SPRYD7: variants seen among roughly 807,000 people sequenced by gnomAD.
SPRYD7 encodes the protein SPRY domain containing 7.
SPRYD7 carries 14 observed loss-of-function variants against 23.8 expected under a neutral mutation model. That is an observed-to-expected ratio of 0.59 (90% CI 0.39 to 0.92). The LOEUF (loss-of-function observed/expected upper bound fraction) is 0.92, where lower values mean the gene tolerates loss of function less well. Among genes scored for constraint, SPRYD7 ranks in the 40% least tolerant of loss-of-function variants. SPRYD7 has a pLI of 0.00. For synonymous variants in SPRYD7, 75 were observed against 84.9 expected (o/e 0.88, Z 0.64); for missense variants, 194 against 241.7 (o/e 0.80, Z 1.31).
rs1190566635 is a variant in SPRYD7 at position 49,936,182 on chromosome 13, G to A, written c.54C>T (p.Gly18=). 2 of 1,609,928 alleles carry A rather than the reference G, an allele frequency of 1.2e-6. No homozygotes were observed. The highest frequency in any genetic ancestry group is 1.7e-5 in the Admixed American group (1 of 59,774). ...CLRCCRDGGT[G]HIPLKEMPAV... is the part of the protein sequence containing the mutation. ...CCGGCATCTCCTTCAGAGGGATGTG[G>A]CCAGTCCCCCCGTCTCTGCAGCACC... Residue 18 remains glycine, a synonymous_variant, in exon 1 of 5, where the codon GGC becomes GGT. Coordinates refer to ENST00000361840, the MANE Select transcript of SPRYD7 (RefSeq NM_020456.4).
At chr13:49,931,250 G>A (rs895289981) in intron 1 of SPRYD7, 116 bp from the exon 2 acceptor site, 1 of 532,938 alleles carries the variant, frequency 1.9e-6, no homozygotes, top group African/African-American at 2.0e-5. Context: ...CACGGTCTTG[G>A]CTCACTGCAA....
chr13:49,918,154 C>T (rs1443345586), intron 4 of SPRYD7, among the ~76,000 whole-genome samples: 1 of 152,128 alleles, frequency 6.6e-6, no homozygotes, highest in Non-Finnish European at 1.5e-5. Flanking sequence ...ACTTGACCTC[C>T]CCGGCTCAAG....
intron 2 of SPRYD7, among the ~76,000 whole-genome samples, chr13:49,928,485 T>C (rs1955909423): frequency 6.6e-6 from 1 of 152,208 alleles, no homozygotes; most frequent in Non-Finnish European, 1.5e-5. Flanking sequence ...CTATACTATG[T>C]TCTCCACAGA....
chr13:49,924,514 C>T (rs1955857080), intron 3 of SPRYD7, among the ~76,000 whole-genome samples: 1 of 151,290 alleles, frequency 6.6e-6, no homozygotes, highest in South Asian at 2.1e-4. Context: ...ACTATGTTTC[C>T]CAGGCTGGTC....
chr13:49,936,044 T>G (rs2138247987), intron 1 of SPRYD7, 86 bp downstream of exon 1: 229 of 657,624 alleles, frequency 3.5e-4, no homozygotes, highest in Middle Eastern at 1.6e-3. Flanking sequence ...CGGGGCAGCG[T>G]GGGGACCCTC....
chr13:49,921,384 G>A, intron 4 of SPRYD7, 94 bp downstream of exon 4: 1 of 790,734 alleles, frequency 1.3e-6, no homozygotes, highest in Non-Finnish European at 2.2e-6. Context: ...ACCAAGTCTT[G>A]GGTATGTCTT....
chr13:49,916,224 G>A (rs923198571), intron 4 of SPRYD7, among the ~76,000 whole-genome samples: 39 of 152,222 alleles, frequency 2.6e-4, no homozygotes, highest in African/African-American at 8.4e-4. Context: ...GCTGTGGTGC[G>A]GGCTGCATCT....
chr13:49,926,453 T>C (rs1053136891), intron 3 of SPRYD7, among the ~76,000 whole-genome samples: 2 of 152,242 alleles, frequency 1.3e-5, no homozygotes, highest in Non-Finnish European at 2.9e-5. Context: ...TTCCATATTA[T>C]GGGCATCTGG....
Position 49,935,578 on chromosome 13 carries a change from G to A in SPRYD7, c.106+552C>T, listed in dbSNP as rs1400600748. On this transcript the variant is annotated intron_variant, in intron 1 of 4. Coordinates refer to ENST00000361840, the MANE Select transcript of SPRYD7 (RefSeq NM_020456.4). ...TACCTCTCACAATGACTAAGGAGTC[G>A]GGCAATGGGAGGTTTTAGTTGAAAT... 2.0e-5 allele frequency: 3 copies of A among 152,196 alleles called. No individual in the cohort carries two copies. In the East Asian group the frequency reaches 5.8e-4, roughly 29 times the overall value. The allele number at this position is 152,196 out of a possible 1,614,324, so 9.4% of individuals were successfully genotyped here.
chr13:49,928,220 ATCT>A (rs1428263903), intron 2 of SPRYD7, 135 bp from the exon 3 acceptor site: 4 of 758,480 alleles, frequency 5.3e-6, no homozygotes, highest in South Asian at 2.6e-5. Flanking sequence ...TTTTTAAAAA[ATCT>A]TCTTTTAGAA....
chr13:49,915,141 C>A lies in SPRYD7; in HGVS notation c.513G>T (p.Leu171Phe). ...GATAAAACTCACTGAACTGGCAATC[C>A]AAAATTGCACTGTCATCAACTAAAG... ...PVVYVDDSAILDCQFSEFYHT... is the reference protein window; with the variant it reads ...PVVYVDDSAIFDCQFSEFYHT... Residue 171 changes from leucine (L) to phenylalanine (F), a missense_variant, in exon 5 of 5, where the codon TTG (leucine) becomes TTT (phenylalanine). Physicochemically the swap from Leu to Phe is conservative, Grantham distance 22 (BLOSUM62 0). Coordinates refer to ENST00000361840, the MANE Select transcript of SPRYD7 (RefSeq NM_020456.4). The A allele has an allele frequency of 1.3e-6, 2 of 1,561,584 alleles. No individual in the cohort carries two copies. The highest frequency in any genetic ancestry group is 1.7e-6 in the Non-Finnish European group (2 of 1,149,740).
At chr13:49,915,477 A>G (rs1955742113) in intron 4 of SPRYD7, among the ~76,000 whole-genome samples, 1 of 152,168 alleles carries the variant, frequency 6.6e-6, no homozygotes, top group Non-Finnish European at 1.5e-5. Flanking sequence ...TTATATAATT[A>G]AGACATATTA....
chr13:49,928,120 T>G, intron 2 of SPRYD7, 35 bp from the exon 3 acceptor site: 1 of 1,583,180 alleles, frequency 6.3e-7, no homozygotes, highest in African/African-American at 1.3e-5. Context: ...CCTCAAAATC[T>G]GAAGACTACA....
At chr13:49,930,282 A>G (rs978204168) in intron 2 of SPRYD7, among the ~76,000 whole-genome samples, 3 of 152,096 alleles carry the variant, frequency 2.0e-5, no homozygotes, top group Admixed American at 2.0e-4. Flanking sequence ...GAATCAGGGT[A>G]TCTTAATAAC....
intron 3 of SPRYD7, among the ~76,000 whole-genome samples, chr13:49,925,261 A>G (rs1955869014): frequency 1.3e-5 from 2 of 151,718 alleles, no homozygotes; most frequent in Non-Finnish European, 1.5e-5. Flanking sequence ...GCGTGGTGGC[A>G]CGCACTTGTA....
intron 2 of SPRYD7, among the ~76,000 whole-genome samples, chr13:49,929,527 G>A (rs540520367): frequency 6.6e-6 from 1 of 152,098 alleles, no homozygotes; most frequent in South Asian, 2.1e-4. Flanking sequence ...ACAGAGTCTT[G>A]TACTGTTGCC....
intron 3 of SPRYD7, among the ~76,000 whole-genome samples, chr13:49,923,285 C>T (rs1439895953): frequency 6.6e-6 from 1 of 151,962 alleles, no homozygotes; most frequent in Non-Finnish European, 1.5e-5. Context: ...GTTCTGTCAC[C>T]CAGGCTGTAG....
At chr13:49,917,324 C>G (rs1185333383) in intron 4 of SPRYD7, among the ~76,000 whole-genome samples, 2 of 152,154 alleles carry the variant, frequency 1.3e-5, no homozygotes, top group Non-Finnish European at 2.9e-5. Flanking sequence ...AGGATGGTCT[C>G]AATCTCCTGA....
chr13:49,931,018 C>G lies in SPRYD7; in HGVS notation c.223G>C (p.Gly75Arg). 6.3e-7 allele frequency: 1 copy of G among 1,599,204 alleles called. No individual in the cohort carries two copies. The highest frequency in any genetic ancestry group is 8.6e-7 in the Non-Finnish European group (1 of 1,167,838). The change falls in exon 2 of 5, where the codon GGA becomes CGA. Residue 75 changes from glycine to arginine, a missense_variant and splice_region_variant. Physicochemically the swap from Gly to Arg is moderately radical, Grantham distance 125. Transcript: ENST00000361840. ...SYFEFKIQSTGIWGIGVATQK... is the reference protein window; with the variant it reads ...SYFEFKIQSTRIWGIGVATQK... ...AATAGTAAAGTACCATTATACCAACCTGTGGACTGGATTTTGAATTCAAAA... is the reference window on the plus strand; with the variant it reads ...AATAGTAAAGTACCATTATACCAACGTGTGGACTGGATTTTGAATTCAAAA...
Sources: gnomAD v4.1 joint callset for allele counts (sites outside exome capture counted in the v4.1 genomes callset) on GRCh38, gnomAD v4.1.1 for gene constraint, MANE v1.5 for transcripts, NCBI Gene and HGNC (gene_info 2026-07-23, HGNC 2026-07-21) for gene names.